Variants in METTL22 observed in about 807,000 individuals in gnomAD.
METTL22 encodes the protein methyltransferase-like protein 22.
Under a neutral mutation model 48.4 loss-of-function variants are expected in METTL22, and 51 were observed. The ratio of observed to expected loss-of-function variants is 1.05; its 90% CI spans 0.84 to 1.33. METTL22 has a LOEUF of 1.33. METTL22 is among the 40% of genes most tolerant of loss of function. The pLI is 0.00. For synonymous variants in METTL22, 255 were observed against 214.1 expected (o/e 1.19, Z -1.67); for missense variants, 678 against 526.9 (o/e 1.29, Z -2.81).
At chr16:8,646,028 G>GCTGACGTGT in intron 10 of METTL22, 80 bp from the exon 11 acceptor site, 1 of 1,280,830 alleles carries the variant, frequency 7.8e-7, no homozygotes, top group Non-Finnish European at 1.0e-6. Context: ...ACTCTCCTTG[G>GCTGACGTGT]TGAATCACTT....
Position 8,635,314 on chromosome 16 carries a change from T to G in METTL22, c.700+2T>G, listed in dbSNP as rs566186524. ...TGGCACGGACCGTTTATTGTACAGG[T>G]AATGAGGTGACATCTCAGGCTGCAG... On this transcript the variant is annotated splice_donor_variant, in intron 5 of 10. Coordinates refer to ENST00000381920, the MANE Select transcript of METTL22 (RefSeq NM_024109.4). LOFTEE classifies it high-confidence loss of function. The G allele has an allele frequency of 1.3e-6, 2 of 1,546,824 alleles. 1 individual carries two copies. The highest frequency in any genetic ancestry group is 2.4e-5 in the South Asian group (2 of 83,314).
intron 5 of METTL22, 61 bp from the exon 6 acceptor site, chr16:8,639,030 A>C: frequency 6.4e-7 from 1 of 1,568,802 alleles, no homozygotes; most frequent in Non-Finnish European, 8.8e-7. Context: ...CTAGGCAAAA[A>C]ACATGGAGAT....
the METTL22 span, among the ~76,000 whole-genome samples, chr16:8,659,104 G>A: frequency 6.6e-6 from 1 of 152,112 alleles, no homozygotes; most frequent in Non-Finnish European, 1.5e-5. Flanking sequence ...GCCAAGGTGG[G>A]CAGATAACTT....
rs376318849 is a variant in METTL22 at position 8,635,294 on chromosome 16, C to T, written c.682C>T (p.Arg228Trp). 4 of 1,585,722 alleles carry T rather than the reference C, an allele frequency of 2.5e-6. No individual in the cohort carries two copies. Among genetic ancestry groups the T allele is most frequent in the African/African-American group, 1.3e-5 (1 of 74,476 alleles). Reference protein sequence around the residue: ...LASIIAATMARTVYCTDVGAD... With the variant: ...LASIIAATMAWTVYCTDVGAD... ...TAGCATCATCGCAGCCACCATGGCACGGACCGTTTATTGTACAGGTAATGA... is the reference window on the plus strand; with the variant it reads ...TAGCATCATCGCAGCCACCATGGCATGGACCGTTTATTGTACAGGTAATGA... The change falls in exon 5 of 11, where the codon CGG becomes TGG. Residue 228 changes from arginine (R) to tryptophan (W), a missense_variant. Transcript: ENST00000381920.
intron 1 of METTL22, among the ~76,000 whole-genome samples, chr16:8,622,687 T>A (rs9921894): frequency 6.6e-6 from 1 of 152,014 alleles, no homozygotes; most frequent in African/African-American, 2.4e-5. Context: ...ACGTTTACTA[T>A]ATGTCGTAAG....
Position 8,628,965 on chromosome 16 carries a change from C to A in METTL22, c.369C>A (p.Asp123Glu). The A allele has an allele frequency of 6.2e-7, 1 of 1,614,000 alleles. No individual in the cohort carries two copies. The highest frequency in any genetic ancestry group is 8.5e-7 in the Non-Finnish European group (1 of 1,180,034). The change falls in exon 3 of 11, where the codon GAC (aspartate) becomes GAA (glutamate). Residue 123 changes from aspartate (D) to glutamate (E), a missense_variant. Transcript: ENST00000381920. ...AGCTGGATGAGGATGGGGATTTGGACGTGGTGAGAAGACCACGAGCCGCCT... is the reference window on the plus strand; with the variant it reads ...AGCTGGATGAGGATGGGGATTTGGAAGTGGTGAGAAGACCACGAGCCGCCT... The part of the protein sequence containing the change: ...EAQLDEDGDL[D>E]VVRRPRAASD...
downstream of METTL22, among the ~76,000 whole-genome samples, chr16:8,650,140 A>T (rs1445166298): frequency 1.3e-5 from 2 of 152,200 alleles, no homozygotes; most frequent in East Asian, 1.9e-4. Flanking sequence ...AGCCTGGGCA[A>T]CATACAGAGA....
chr16:8,639,156 A>G lies in METTL22; in HGVS notation c.766A>G (p.Thr256Ala). The part of the protein sequence containing the change: ...NIALNSHLAA[T>A]GGGIVRVKEL... ...TGCCCTCAACAGCCACCTGGCTGCC[A>G]CTGGAGGTGAGGCCCAGGGGGTCTT... Residue 256 changes from threonine (T) to alanine (A), a missense_variant, in exon 6 of 11, where the codon ACT becomes GCT. Transcript: ENST00000381920. 1.2e-6 allele frequency: 2 copies of G among 1,613,936 alleles called. No individual in the cohort carries two copies. The highest frequency in any genetic ancestry group is 8.5e-7 in the Non-Finnish European group (1 of 1,179,972).
intron 7 of METTL22, chr16:8,641,870 G>A (rs1249888162): frequency 1.6e-5 from 9 of 574,398 alleles, no homozygotes; most frequent in Admixed American, 9.1e-5. Flanking sequence ...CCAAGGCAGC[G>A]GGTGAGGCTG....
chr16:8,639,372 G>A (rs909651172), intron 6 of METTL22: 13 of 594,962 alleles, frequency 2.2e-5, no homozygotes, highest in Admixed American at 1.4e-4. Context: ...GATCCACTGC[G>A]TCATCCTACT....
chr16:8,639,093 G>A lies in METTL22; in HGVS notation c.703G>A (p.Val235Ile), dbSNP rs200292850. ...TMARTVYCTD[V>I]GADLLSMCQR... ...TGGCTTGCCCTCTGTCATTCCAGAT[G>A]TCGGTGCAGATCTCTTGTCCATGTG... Residue 235 changes from valine (V) to isoleucine (I), a missense_variant and splice_region_variant, in exon 6 of 11, where the codon GTC becomes ATC. By Grantham distance (29) the Val-to-Ile change is conservative. Coordinates refer to ENST00000381920, the MANE Select transcript of METTL22 (RefSeq NM_024109.4). The A allele has an allele frequency of 6.4e-5, 103 of 1,614,068 alleles. No homozygotes were observed. The highest frequency in any genetic ancestry group is 1.6e-4 in the Middle Eastern group (1 of 6,062).
intron 2 of METTL22, 67 bp downstream of exon 2, chr16:8,625,865 T>C (rs1567225843): frequency 3.2e-6 from 5 of 1,585,530 alleles, no homozygotes; most frequent in Non-Finnish European, 4.3e-6. Flanking sequence ...ACTCATCTTT[T>C]TGGGGAAAAT....
intron 3 of METTL22, among the ~76,000 whole-genome samples, chr16:8,629,501 T>C (rs2056182918): frequency 6.6e-6 from 1 of 152,184 alleles, no homozygotes; most frequent in Admixed American, 6.5e-5. Context: ...AGGCTTGGCC[T>C]GGCTGGGCTG....
At chr16:8,624,997 A>C (rs916616415) in intron 1 of METTL22, among the ~76,000 whole-genome samples, 3 of 152,032 alleles carry the variant, frequency 2.0e-5, no homozygotes, top group Admixed American at 2.0e-4. Flanking sequence ...TGCAAAGTGC[A>C]GATTGTGATT....
intron 5 of METTL22, among the ~76,000 whole-genome samples, chr16:8,637,198 T>G (rs774273442): frequency 6.6e-6 from 1 of 152,210 alleles, no homozygotes; most frequent in Non-Finnish European, 1.5e-5. Context: ...CAGACTTTTG[T>G]TTCTGAGATA....
the METTL22 span, among the ~76,000 whole-genome samples, chr16:8,665,073 C>T: frequency 2.0e-5 from 3 of 152,152 alleles, no homozygotes; most frequent in Admixed American, 1.3e-4. Flanking sequence ...GGAGTTTCCA[C>T]GGTATCCTCT....
intron 5 of METTL22, among the ~76,000 whole-genome samples, chr16:8,636,570 A>G (rs965163036): frequency 1.1e-4 from 16 of 150,620 alleles, no homozygotes; most frequent in African/African-American, 4.9e-5. Context: ...TAATGACCAG[A>G]TAATATTTCA....
chr16:8,652,375 C>T (rs768768819), downstream of METTL22, among the ~76,000 whole-genome samples: 1 of 149,710 alleles, frequency 6.7e-6, no homozygotes, highest in Non-Finnish European at 1.5e-5. Context: ...ACAAGAATCG[C>T]TTAAACCGAG....
At chr16:8,658,213 G>C in the METTL22 span, among the ~76,000 whole-genome samples, 1 of 152,144 alleles carries the variant, frequency 6.6e-6, no homozygotes, top group Non-Finnish European at 1.5e-5. Flanking sequence ...CCACATGAAG[G>C]AGCACCCGGG....
Sources: allele counts gnomAD v4.1 joint callset (sites outside exome capture counted in the v4.1 genomes callset), GRCh38; gene constraint gnomAD v4.1.1; transcripts MANE v1.5; gene names NCBI Gene and HGNC (gene_info 2026-07-23, HGNC 2026-07-21).